AAK1: variants seen among roughly 807,000 people sequenced by gnomAD.
The protein encoded by AAK1 is AP2-associated protein kinase 1.
A neutral mutation model predicts 116.0 loss-of-function variants in AAK1; 37 were observed. The observed-to-expected ratio is 0.32, with a 90% CI of 0.25 to 0.42. AAK1 has a LOEUF of 0.42. Ranked by LOEUF, AAK1 falls within the 10% of genes least tolerant of loss-of-function variation. The pLI is 1.00. For synonymous variants in AAK1, 458 were observed against 439.9 expected (o/e 1.04, Z -0.51); for missense variants, 919 against 1,170.6 (o/e 0.79, Z 3.14).
At chr2:69,482,431 TAAAG>T in intron 18 of AAK1, 1 of 600,340 alleles carries the variant, frequency 1.7e-6, no homozygotes, top group Non-Finnish European at 3.0e-6. Context: ...ACCAATTTTT[TAAAG>T]TTCTTCTAAC....
chr2:69,466,072 C>T lies in AAK1; in HGVS notation c.*9797G>A. On this transcript the variant is annotated 3_prime_UTR_variant, in exon 22 of 22. Coordinates refer to ENST00000409085, the MANE Select transcript of AAK1 (RefSeq NM_014911.5). ...ACAAATGGGGCTTTGGAGAAAATGTCCATGTCATCATTTGGAACCCTTGAG... is the reference window on the plus strand; with the variant it reads ...ACAAATGGGGCTTTGGAGAAAATGTTCATGTCATCATTTGGAACCCTTGAG... 7.7e-7 allele frequency: 1 copy of T among 1,290,872 alleles called. No homozygotes were observed. Among genetic ancestry groups the T allele is most frequent in the South Asian group, 1.2e-5 (1 of 81,036 alleles). The allele number at this position is 1,290,872 out of a possible 1,614,324, so 80.0% of individuals were successfully genotyped here. A position where few individuals can be genotyped will look rare whatever the true frequency, so the allele number is the denominator to read the frequency against.
intron 17 of AAK1, among the ~76,000 whole-genome samples, chr2:69,489,152 C>T (rs1023219540): frequency 2.6e-5 from 4 of 151,224 alleles, no homozygotes; most frequent in African/African-American, 9.7e-5. Context: ...AGCCCCTCTC[C>T]TAAAATATCA....
At chr2:69,495,860 C>G (rs1675717554) in intron 17 of AAK1, 125 bp downstream of exon 17, 1 of 726,820 alleles carries the variant, frequency 1.4e-6, no homozygotes. Flanking sequence ...AAATATACAA[C>G]AGCAGCCTAT....
At position 69,588,493 on chromosome 2, in the gene AAK1, G is replaced by A. The variant is rs530254611; in HGVS notation, c.164-31515C>T. Among the ~76,000 whole-genome samples the A allele has an allele frequency of 8.5e-5, 13 of 152,238 alleles. No individual in the cohort carries two copies. The South Asian group carries it at 1.5e-3, about 17-fold the overall frequency. Reference sequence around the variant, plus strand: ...CTAAGAACTCCCTCTCTGTTATAACGGTTTGTTTCAGCAGTAGATGGCTAC... The same window carrying A: ...CTAAGAACTCCCTCTCTGTTATAACAGTTTGTTTCAGCAGTAGATGGCTAC... On this transcript the variant is annotated intron_variant, in intron 2 of 21. Transcript: ENST00000409085.
chr2:69,499,427 T>C (rs1246214497), intron 16 of AAK1, among the ~76,000 whole-genome samples: 1 of 152,156 alleles, frequency 6.6e-6, no homozygotes, highest in Non-Finnish European at 1.5e-5. Context: ...GGACTTTCAC[T>C]TCCCCCAACC....
Position 69,474,924 on chromosome 2 carries a change from A to G in AAK1, c.*945T>C. The G allele has an allele frequency of 2.0e-6, 2 of 985,574 alleles. No individual in the cohort carries two copies. Among genetic ancestry groups the G allele is most frequent in the African/African-American group, 1.7e-5 (1 of 57,332 alleles). 61.1% of individuals were successfully genotyped at this position (985,574 alleles called of 1,614,324 possible). A position where few individuals can be genotyped will look rare whatever the true frequency, so the allele number is the denominator to read the frequency against. The stretch of plus-strand genomic sequence containing the variant: ...TATTTGATTCAAAATAAAAATCACA[A>G]GAAAAATACATCTGTTTCTGCTACA... On this transcript the variant is annotated 3_prime_UTR_variant, in exon 22 of 22. Coordinates refer to ENST00000409085, the MANE Select transcript of AAK1 (RefSeq NM_014911.5).
chr2:69,468,740 T>A lies in AAK1; in HGVS notation c.*7129A>T. The A allele has an allele frequency of 1.0e-6, 1 of 985,402 alleles. No individual in the cohort carries two copies. Among genetic ancestry groups the A allele is most frequent in the Non-Finnish European group, 1.2e-6 (1 of 829,924 alleles). 61.0% of individuals were successfully genotyped at this position (985,402 alleles called of 1,614,324 possible). On this transcript the variant is annotated 3_prime_UTR_variant, in exon 22 of 22. Transcript: ENST00000409085. The stretch of plus-strand genomic sequence containing the variant: ...CCAGGGGCACTTTGGATGCCTGAAG[T>A]GCTAGATTACATTTTGAGAACTAGG...
At chr2:69,515,224 G>A (rs747629802) in intron 12 of AAK1, among the ~76,000 whole-genome samples, 9 of 152,156 alleles carry the variant, frequency 5.9e-5, no homozygotes, top group Non-Finnish European at 1.2e-4. Context: ...CAACTATTAA[G>A]ACTCATCTCA....
chr2:69,521,129 C>T (rs1003167132), intron 10 of AAK1, 141 bp from the exon 11 acceptor site: 11 of 928,408 alleles, frequency 1.2e-5, no homozygotes, highest in Admixed American at 4.9e-5. Flanking sequence ...GAATCTCCCA[C>T]AGGATGCCAT....
At chr2:69,497,275 T>C (rs1448973408) in intron 16 of AAK1, among the ~76,000 whole-genome samples, 2 of 148,902 alleles carry the variant, frequency 1.3e-5, no homozygotes, top group Non-Finnish European at 3.0e-5. Context: ...CACCACCACA[T>C]GCAGCTTTAC....
At chr2:69,490,104 C>T (rs1675461188) in intron 17 of AAK1, among the ~76,000 whole-genome samples, 1 of 152,132 alleles carries the variant, frequency 6.6e-6, no homozygotes, top group Non-Finnish European at 1.5e-5. Context: ...TTCTAAGAAG[C>T]AGCACTGATG....
chr2:69,515,492 AT>A (rs1443013736), intron 12 of AAK1, among the ~76,000 whole-genome samples: 1 of 151,430 alleles, frequency 6.6e-6, no homozygotes, highest in Non-Finnish European at 1.5e-5. Flanking sequence ...TGCCTGGCTA[AT>A]TTTTTTTCTT....
intron 2 of AAK1, among the ~76,000 whole-genome samples, chr2:69,588,598 G>A (rs986843550): frequency 2.6e-5 from 4 of 152,186 alleles, no homozygotes; most frequent in African/African-American, 7.2e-5. Flanking sequence ...ACATCTGAGT[G>A]TATCTGAAAC....
intron 2 of AAK1, among the ~76,000 whole-genome samples, chr2:69,599,593 GT>G (rs1160895720): frequency 6.6e-5 from 10 of 152,030 alleles, no homozygotes; most frequent in Non-Finnish European, 1.2e-4. Flanking sequence ...TGCTTTTCTA[GT>G]TATTTCACTG....
At chr2:69,590,831 AT>A (rs936690639) in intron 2 of AAK1, among the ~76,000 whole-genome samples, 5 of 152,234 alleles carry the variant, frequency 3.3e-5, no homozygotes, top group Non-Finnish European at 7.3e-5. Flanking sequence ...ATCACGAGAG[AT>A]TTAATATGGC....
At position 69,579,844 on chromosome 2, in the gene AAK1, T is replaced by C. The variant is rs574201429; in HGVS notation, c.164-22866A>G. ...TAATTACATTCATAATATTGACAAC[T>C]ATCTCCAGAGGTCCAGACCCATATA... On this transcript the variant is annotated intron_variant, in intron 2 of 21. Coordinates refer to ENST00000409085, the MANE Select transcript of AAK1 (RefSeq NM_014911.5). Among the ~76,000 whole-genome samples the C allele has an allele frequency of 4.1e-4, 63 of 152,326 alleles. 2 individuals are homozygous for C. In the South Asian group the frequency reaches 0.012, roughly 29 times the overall value.
chr2:69,530,934 G>C (rs986757664), intron 6 of AAK1, among the ~76,000 whole-genome samples: 1 of 151,984 alleles, frequency 6.6e-6, no homozygotes, highest in African/African-American at 2.4e-5. Flanking sequence ...GAACATGTGG[G>C]GACTCAGACA....
chr2:69,642,975 T>A lies in AAK1; in HGVS notation c.66A>T (p.Gly22=). The A allele has an allele frequency of 6.2e-7, 1 of 1,611,812 alleles. No homozygotes were observed. ...GGSGLGSGSS[G]GGGSTSGLGS... ...CCAGGCCCGAGGTGCTGCCCCCTCC[T>A]CCGCTGGAGCCGGAGCCCAGGCCAG... The change falls in exon 2 of 22, where the codon GGA becomes GGT. Residue 22 remains glycine, a synonymous_variant. Coordinates refer to ENST00000409085, the MANE Select transcript of AAK1 (RefSeq NM_014911.5).
chr2:69,467,950 C>T lies in AAK1; in HGVS notation c.*7919G>A. On this transcript the variant is annotated 3_prime_UTR_variant, in exon 22 of 22. Coordinates refer to ENST00000409085, the MANE Select transcript of AAK1 (RefSeq NM_014911.5). Reference sequence around the variant, plus strand: ...AGTGCTTCTTTTTAAACAGTTCTGACCTTAAATATTGTTTTCAGAAACAGA... The same window carrying T: ...AGTGCTTCTTTTTAAACAGTTCTGATCTTAAATATTGTTTTCAGAAACAGA... 6.1e-6 allele frequency: 6 copies of T among 985,352 alleles called. No homozygotes were observed. Among genetic ancestry groups the T allele is most frequent in the Non-Finnish European group, 7.2e-6 (6 of 829,908 alleles). 61.0% of individuals were successfully genotyped at this position (985,352 alleles called of 1,614,324 possible).
Sources: gnomAD v4.1 joint callset for allele counts (sites outside exome capture counted in the v4.1 genomes callset) on GRCh38, gnomAD v4.1.1 for gene constraint, MANE v1.5 for transcripts, NCBI Gene and HGNC (gene_info 2026-07-23, HGNC 2026-07-21) for gene names.